Variants in ERBB4 observed in about 807,000 individuals in gnomAD.
The protein encoded by ERBB4 is receptor tyrosine-protein kinase erbB-4.
ERBB4 carries 42 observed loss-of-function variants against 158.0 expected under a neutral mutation model. The ratio of observed to expected loss-of-function variants is 0.27; its 90% CI spans 0.21 to 0.34. The LOEUF is 0.34. Among genes scored for constraint, ERBB4 ranks in the 10% least tolerant of loss-of-function variants. The pLI, the probability that ERBB4 is intolerant of heterozygous loss-of-function variation, is 1.00. For synonymous variants in ERBB4, 583 were observed against 558.7 expected, an observed-to-expected ratio of 1.04 and a Z score of -0.61; for missense variants, 1,333 against 1,624.1, an observed-to-expected ratio of 0.82 and a Z score of 3.08.
intron 2 of ERBB4, among the ~76,000 whole-genome samples, chr2:212,092,450 C>A (rs2078807000): frequency 6.6e-6 from 1 of 152,058 alleles, no homozygotes; most frequent in African/African-American, 2.4e-5. Flanking sequence ...ATCAAGAAAA[C>A]CAGATAGGAC....
chr2:211,953,465 CAAAAAAAAAAA>C (rs36024345), intron 2 of ERBB4, among the ~76,000 whole-genome samples: 4 of 85,576 alleles, frequency 4.7e-5, no homozygotes, highest in Non-Finnish European at 9.9e-5. Flanking sequence ...GGTTTTTCTC[CAAAAAAAAAAA>C]AAAAAAAAAA....
intron 1 of ERBB4, among the ~76,000 whole-genome samples, chr2:212,184,380 G>A (rs914992110): frequency 2.6e-5 from 4 of 151,972 alleles, no homozygotes; most frequent in Non-Finnish European, 5.9e-5. Context: ...AAAGGTATAC[G>A]ACACCCTTTA....
At chr2:212,011,987 C>T (rs555435985) in intron 2 of ERBB4, among the ~76,000 whole-genome samples, 49 of 152,236 alleles carry the variant, frequency 3.2e-4, no homozygotes, top group African/African-American at 1.1e-3. Flanking sequence ...CCTTTATCAA[C>T]CATTTCGGTT....
chr2:212,083,303 T>G (rs2078500076), intron 2 of ERBB4, among the ~76,000 whole-genome samples: 1 of 151,960 alleles, frequency 6.6e-6, no homozygotes, highest in South Asian at 2.1e-4. Flanking sequence ...GGCTTGAAGA[T>G]GATTATTCTC....
intron 3 of ERBB4, among the ~76,000 whole-genome samples, chr2:211,929,112 T>C (rs1316540662): frequency 2.0e-5 from 3 of 152,166 alleles, no homozygotes; most frequent in African/African-American, 7.2e-5. Flanking sequence ...TTCTTTATCC[T>C]GCCCTCAGTA....
intron 19 of ERBB4, among the ~76,000 whole-genome samples, chr2:211,595,540 G>A (rs984946116): frequency 2.0e-5 from 3 of 152,028 alleles, no homozygotes; most frequent in Non-Finnish European, 2.9e-5. Flanking sequence ...AATAAGAAAA[G>A]AGATAAAACT....
At chr2:211,692,910 A>G (rs964469533) in intron 12 of ERBB4, among the ~76,000 whole-genome samples, 1 of 152,272 alleles carries the variant, frequency 6.6e-6, no homozygotes, top group Non-Finnish European at 1.5e-5. Context: ...AGACATGTGT[A>G]AAGTGTAATG....
At chr2:212,048,554 C>T (rs1296614771) in intron 2 of ERBB4, among the ~76,000 whole-genome samples, 1 of 152,122 alleles carries the variant, frequency 6.6e-6, no homozygotes, top group Non-Finnish European at 1.5e-5. Flanking sequence ...AGATATTTGG[C>T]TCAAGCAACA....
chr2:212,326,396 T>G (rs2087834444), intron 1 of ERBB4, among the ~76,000 whole-genome samples: 1 of 150,688 alleles, frequency 6.6e-6, no homozygotes, highest in Admixed American at 6.6e-5. Flanking sequence ...ATAACAAACT[T>G]TAAATAAATG....
At position 211,383,556 on chromosome 2, in the gene ERBB4, GA is replaced by G; in HGVS notation, c.*58del. On this transcript the variant is annotated 3_prime_UTR_variant, in exon 28 of 28. Transcript: ENST00000342788. ...TAGAAGGAAGACCACCAGAGAAAGAGAGGGGGGTGGGGAAATTGGAGCAGGT... is the reference window on the plus strand; with the variant it reads ...TAGAAGGAAGACCACCAGAGAAAGAGGGGGGGTGGGGAAATTGGAGCAGGT... 13 of 1,420,810 alleles carry G rather than the reference GA, an allele frequency of 9.1e-6. No homozygotes were observed. Among genetic ancestry groups the G allele is most frequent in the Non-Finnish European group, 1.3e-5 (13 of 1,006,810 alleles). 88.0% of individuals were successfully genotyped at this position (1,420,810 alleles called of 1,614,324 possible).
At chr2:212,434,593 T>C (rs2092097603) in intron 1 of ERBB4, among the ~76,000 whole-genome samples, 1 of 151,884 alleles carries the variant, frequency 6.6e-6, no homozygotes, top group African/African-American at 2.4e-5. Context: ...ATACCACCCA[T>C]TTATATACAC....
At chr2:212,191,568 ACATG>A (rs1259600845) in intron 1 of ERBB4, among the ~76,000 whole-genome samples, 106 of 146,196 alleles carry the variant, frequency 7.3e-4, no homozygotes, top group Non-Finnish European at 6.9e-4. Flanking sequence ...TATATATAAC[ACATG>A]TGTTATGCCT....
chr2:212,049,778 T>C (rs2077351293), intron 2 of ERBB4, among the ~76,000 whole-genome samples: 1 of 152,200 alleles, frequency 6.6e-6, no homozygotes, highest in Non-Finnish European at 1.5e-5. Context: ...CTTCACATAG[T>C]CTTTACTCTC....
chr2:212,118,979 A>G (rs187769529), intron 2 of ERBB4, among the ~76,000 whole-genome samples: 1 of 152,100 alleles, frequency 6.6e-6, no homozygotes, highest in Admixed American at 6.5e-5. Flanking sequence ...CTTAAAAGGC[A>G]TCTTTATATA....
chr2:212,470,565 T>C (rs756607408), intron 1 of ERBB4, among the ~76,000 whole-genome samples: 1 of 152,134 alleles, frequency 6.6e-6, no homozygotes, highest in Non-Finnish European at 1.5e-5. Context: ...CTGGAAGATG[T>C]TGGCAGCTAT....
chr2:212,518,123 T>C (rs1240058919), intron 1 of ERBB4, among the ~76,000 whole-genome samples: 1 of 152,088 alleles, frequency 6.6e-6, no homozygotes, highest in Non-Finnish European at 1.5e-5. Context: ...GATGAAAATG[T>C]CAATAGATCT....
chr2:212,466,870 A>G (rs1389851695), intron 1 of ERBB4, among the ~76,000 whole-genome samples: 1 of 152,222 alleles, frequency 6.6e-6, no homozygotes, highest in Non-Finnish European at 1.5e-5. Context: ...GAATTGTTGA[A>G]TGGCTTTGAC....
At chr2:212,310,019 A>T (rs2086969045) in intron 1 of ERBB4, among the ~76,000 whole-genome samples, 1 of 150,582 alleles carries the variant, frequency 6.6e-6, no homozygotes, top group African/African-American at 2.4e-5. Flanking sequence ...TTAAGGTATA[A>T]TGTAACTGAT....
rs1297415224 is a variant in ERBB4, at chr2:212,538,637, A to AG, written c.-108dup. On this transcript the variant is annotated 5_prime_UTR_variant, in exon 1 of 28. Transcript: ENST00000342788. ...CCAGCCGGGCGCGCGTGGGGGTGCG[A>AG]GGGGGGCGGGCGCGGCGCGCGCGGT... 11 of 1,206,582 alleles carry AG rather than the reference A, an allele frequency of 9.1e-6. No individual in the cohort carries two copies. The highest frequency in any genetic ancestry group is 4.9e-5 in the South Asian group (4 of 80,808). 74.7% of individuals were successfully genotyped at this position (1,206,582 alleles called of 1,614,324 possible). A position where few individuals can be genotyped will look rare whatever the true frequency, so the allele number is the denominator to read the frequency against.
Sources: allele counts gnomAD v4.1 joint callset (sites outside exome capture counted in the v4.1 genomes callset), GRCh38; gene constraint gnomAD v4.1.1; transcripts MANE v1.5; gene names NCBI Gene and HGNC (gene_info 2026-07-23, HGNC 2026-07-21).